The following MIPOL1 variants were observed in gnomAD, a reference collection of about 807,000 sequenced individuals.
MIPOL1 encodes the protein mirror-image polydactyly gene 1 protein.
In MIPOL1, 57 loss-of-function variants were observed where a neutral mutation model predicts 60.9. The ratio of observed to expected loss-of-function variants is 0.94; its 90% CI spans 0.76 to 1.17. The LOEUF (loss-of-function observed/expected upper bound fraction) is 1.17. Ranked by LOEUF, MIPOL1 falls within the 50% of genes most tolerant of loss-of-function variation. The pLI, the probability that MIPOL1 is intolerant of heterozygous loss-of-function variation, is 0.00. For synonymous variants in MIPOL1, 179 were observed against 168.8 expected, an observed-to-expected ratio of 1.06 and a Z score of -0.47; for missense variants, 551 against 511.6, an observed-to-expected ratio of 1.08 and a Z score of -0.74.
chr14:37,299,416 G>A (rs953062430), intron 7 of MIPOL1, among the ~76,000 whole-genome samples: 1 of 151,512 alleles, frequency 6.6e-6, no homozygotes, highest in Admixed American at 6.6e-5. Context: ...TTGTGCACAT[G>A]TACCCTAAAA....
intron 1 of MIPOL1, chr14:37,198,317 T>G (rs1465956791): frequency 6.6e-6 from 1 of 152,360 alleles, no homozygotes; most frequent in Non-Finnish European, 1.5e-5. Flanking sequence ...GACAGCTCTT[T>G]CTGGGTATGG....
At chr14:37,250,401 A>G (rs1708048352) in intron 3 of MIPOL1, among the ~76,000 whole-genome samples, 1 of 151,982 alleles carries the variant, frequency 6.6e-6, no homozygotes. Flanking sequence ...TACACAAATT[A>G]GCTGGGTGTT....
chr14:37,351,761 T>G (rs2091407117), intron 9 of MIPOL1, among the ~76,000 whole-genome samples: 1 of 116,402 alleles, frequency 8.6e-6, no homozygotes, highest in Non-Finnish European at 1.8e-5. Context: ...GGGTTGTTTG[T>G]TTTTTTCTTG....
At chr14:37,318,824 T>TTTAGTTAG (rs1170957886) in intron 9 of MIPOL1, among the ~76,000 whole-genome samples, 93 of 148,248 alleles carry the variant, frequency 6.3e-4, no homozygotes, top group African/African-American at 2.2e-3. Flanking sequence ...TATTTATTTA[T>TTTAGTTAG]TTAGTTAGTT....
rs1236024856 is a variant in MIPOL1, at chr14:37,267,140, G to C, written c.222G>C (p.Glu74Asp). 1.9e-6 allele frequency: 3 copies of C among 1,613,492 alleles called. No homozygotes were observed. Among genetic ancestry groups the C allele is most frequent in the Middle Eastern group, 3.3e-4 (2 of 6,060 alleles). Residue 74 changes from glutamate (E) to aspartate (D), a missense_variant, in exon 4 of 13, where the codon GAG (glutamate) becomes GAC (aspartate). Glu to Asp is a conservative substitution (Grantham distance 45). Transcript: ENST00000684589. The stretch of plus-strand genomic sequence containing the variant: ...TCATCAGTTCTTATCCAGATGATGA[G>C]TCTGTTTACTGCACTACTGAAAAAT... ...FQIISSYPDD[E>D]SVYCTTEKYN...
rs1452305353 is a variant in MIPOL1, at chr14:37,445,712, T to C, written c.1031+22763T>C. On this transcript the variant is annotated intron_variant, in intron 11 of 12. Coordinates refer to ENST00000684589, the MANE Select transcript of MIPOL1 (RefSeq NM_001388067.1). ...AGTAACCAAAACAGCATGGTACTGGTACCAAAACAGAGATATAGATCAATG... is the reference window on the plus strand; with the variant it reads ...AGTAACCAAAACAGCATGGTACTGGCACCAAAACAGAGATATAGATCAATG... Among the ~76,000 whole-genome samples the C allele has an allele frequency of 2.1e-3, 321 of 151,774 alleles. 1 individual carries two copies. Among genetic ancestry groups the C allele is most frequent in the African/African-American group, 7.2e-3 (300 of 41,476 alleles).
intron 10 of MIPOL1, among the ~76,000 whole-genome samples, chr14:37,382,169 C>T (rs2092942156): frequency 6.6e-6 from 1 of 151,920 alleles, no homozygotes; most frequent in African/African-American, 2.4e-5. Flanking sequence ...TTTCCAGTAA[C>T]TGAATTCTAT....
intron 8 of MIPOL1, 30 bp from the exon 9 acceptor site, chr14:37,308,318 AT>A (rs1366346448): frequency 6.8e-6 from 10 of 1,471,200 alleles, no homozygotes; most frequent in Non-Finnish European, 9.0e-6. Context: ...TTAAAACTTC[AT>A]GTCTGACTAA....
At chr14:37,434,858 A>C (rs917684887) in intron 11 of MIPOL1, among the ~76,000 whole-genome samples, 1 of 151,966 alleles carries the variant, frequency 6.6e-6, no homozygotes, top group Non-Finnish European at 1.5e-5. Flanking sequence ...AGCAAAAAAA[A>C]AAAAAAAACA....
intron 1 of MIPOL1, among the ~76,000 whole-genome samples, chr14:37,230,945 A>G (rs1454313419): frequency 1.3e-5 from 2 of 152,262 alleles, no homozygotes; most frequent in East Asian, 3.9e-4. Context: ...TATTCCATAT[A>G]TCTCTATCTA....
chr14:37,334,181 A>G (rs1010955542), intron 9 of MIPOL1, among the ~76,000 whole-genome samples: 25 of 152,224 alleles, frequency 1.6e-4, no homozygotes, highest in African/African-American at 5.5e-4. Context: ...AAATAAATTT[A>G]CTAAAACTAT....
At chr14:37,264,924 T>A (rs868837203) in intron 3 of MIPOL1, among the ~76,000 whole-genome samples, 4 of 152,144 alleles carry the variant, frequency 2.6e-5, no homozygotes, top group African/African-American at 9.7e-5. Context: ...CCTTCAAAGG[T>A]GGTACTTTCA....
intron 10 of MIPOL1, among the ~76,000 whole-genome samples, chr14:37,420,529 A>G (rs955403130): frequency 2.6e-5 from 4 of 152,162 alleles, no homozygotes; most frequent in Non-Finnish European, 4.4e-5. Context: ...ATTATATGAT[A>G]TAAATATCAA....
intron 1 of MIPOL1, among the ~76,000 whole-genome samples, chr14:37,238,801 A>AAT (rs1555366307): frequency 2.0e-5 from 3 of 149,932 alleles, no homozygotes; most frequent in Non-Finnish European, 3.0e-5. Context: ...AAAAAAAAAA[A>AAT]AAATTAGATG....
At chr14:37,286,666 G>A (rs2084591613) in intron 7 of MIPOL1, among the ~76,000 whole-genome samples, 1 of 152,026 alleles carries the variant, frequency 6.6e-6, no homozygotes, top group Admixed American at 6.6e-5. Flanking sequence ...TTAATAATAT[G>A]TGTCCAAGTT....
At chr14:37,337,356 A>ATTT (rs33972471) in intron 9 of MIPOL1, among the ~76,000 whole-genome samples, 5 of 30,054 alleles carry the variant, frequency 1.7e-4, no homozygotes, top group African/African-American at 7.6e-4. Flanking sequence ...ATATATATAT[A>ATTT]TTTTTTTTTT....
At chr14:37,429,778 A>G (rs935364843) in intron 11 of MIPOL1, among the ~76,000 whole-genome samples, 4 of 151,994 alleles carry the variant, frequency 2.6e-5, no homozygotes, top group African/African-American at 4.8e-5. Context: ...TGGTCTGTGT[A>G]TATACTGTCC....
chr14:37,518,507 G>A (rs2095388065), intron 12 of MIPOL1, among the ~76,000 whole-genome samples: 1 of 152,040 alleles, frequency 6.6e-6, no homozygotes, highest in African/African-American at 2.4e-5. Context: ...GTTCATTTTT[G>A]TATTTTTAGT....
intron 10 of MIPOL1, among the ~76,000 whole-genome samples, chr14:37,419,156 A>G (rs1377389566): frequency 6.6e-6 from 1 of 152,178 alleles, no homozygotes; most frequent in Non-Finnish European, 1.5e-5. Context: ...ATTGAATACT[A>G]CTCAGTGGTA....
Sources: gnomAD v4.1 joint callset for allele counts (sites outside exome capture counted in the v4.1 genomes callset) on GRCh38, gnomAD v4.1.1 for gene constraint, MANE v1.5 for transcripts, NCBI Gene and HGNC (gene_info 2026-07-23, HGNC 2026-07-21) for gene names.